Variants in KDM6A observed in about 807,000 individuals in gnomAD.
KDM6A encodes lysine demethylase 6A, also known as lysine-specific demethylase 6A.
In KDM6A, 11 loss-of-function variants were observed where a neutral mutation model predicts 117.6. The observed-to-expected ratio is 0.09, with a 90% confidence interval of 0.06 to 0.15. The LOEUF is 0.15. KDM6A is among the 10% of genes least tolerant of loss of function. The pLI is 1.00. For missense variants in KDM6A, 799 were observed against 1,077.3 expected, an observed-to-expected ratio of 0.74 and a Z score of 3.62; for synonymous variants, 384 against 396.1, an observed-to-expected ratio of 0.97 and a Z score of 0.36.
chrX:45,024,225 A>G (rs1260525938), intron 6 of KDM6A, among the ~76,000 whole-genome samples: 1 of 111,981 alleles, frequency 8.9e-6, no homozygotes, highest in Non-Finnish European at 1.9e-5. Context: ...TGTTTTCCAT[A>G]GTGGCTGTAC....
At chrX:44,985,540 G>A (rs2040170112) in intron 4 of KDM6A, among the ~76,000 whole-genome samples, 1 of 111,620 alleles carries the variant, frequency 9.0e-6, no homozygotes, top group Admixed American at 9.5e-5. Context: ...GATATTGGCT[G>A]TGGGTTTGTC....
chrX:44,929,079 C>T (rs1409784695), intron 2 of KDM6A, among the ~76,000 whole-genome samples: 13 of 110,143 alleles, frequency 1.2e-4, no homozygotes, highest in South Asian at 3.9e-4. Context: ...TACAGGTGCG[C>T]GCCACCACAC....
intron 2 of KDM6A, among the ~76,000 whole-genome samples, chrX:44,958,327 C>T (rs2038462442): frequency 9.2e-6 from 1 of 108,697 alleles, no homozygotes; most frequent in African/African-American, 3.4e-5. Context: ...GGACTACAGG[C>T]GCCCACCACT....
At chrX:45,092,713 C>T (rs2045943514) in intron 27 of KDM6A, among the ~76,000 whole-genome samples, 1 of 111,231 alleles carries the variant, frequency 9.0e-6, no homozygotes, top group Non-Finnish European at 1.9e-5. Flanking sequence ...AGATAAAATA[C>T]AATAATATTT....
chrX:45,065,428 G>A (rs1449100978), intron 17 of KDM6A, among the ~76,000 whole-genome samples: 4 of 112,000 alleles, frequency 3.6e-5, no homozygotes, highest in Non-Finnish European at 7.5e-5. Flanking sequence ...GAACAGAGGA[G>A]TGATGTGATC....
In KDM6A at chrX:45,051,755, C is replaced by T. The variant is rs746233805; in HGVS notation, c.701C>T (p.Thr234Ile). 3 of 1,191,725 alleles carry T rather than the reference C, an allele frequency of 2.5e-6. No individual in the cohort carries two copies. The highest frequency in any genetic ancestry group is 5.9e-5 in the East Asian group (2 of 33,711). The change falls in exon 9 of 30, where the codon ACA becomes ATA. Residue 234 changes from threonine to isoleucine, a missense_variant. Transcript: ENST00000611820. ...GAAGCTTATGAACAACTTTTGCAGACAGAGAATCTTTCTGCACAAGTAAAA... is the reference window on the plus strand; with the variant it reads ...GAAGCTTATGAACAACTTTTGCAGATAGAGAATCTTTCTGCACAAGTAAAA... ...AKEAYEQLLQTENLSAQVKAT... is the reference protein window; with the variant it reads ...AKEAYEQLLQIENLSAQVKAT...
At chrX:44,974,556 A>T in intron 3 of KDM6A, 110 bp from the exon 4 acceptor site, 2 of 556,779 alleles carry the variant, frequency 3.6e-6, no homozygotes, top group Non-Finnish European at 3.1e-6. Flanking sequence ...CTGAAATATC[A>T]CTATCTACTG....
intron 2 of KDM6A, among the ~76,000 whole-genome samples, chrX:44,903,392 T>C (rs2034472507): frequency 8.9e-6 from 1 of 112,266 alleles, no homozygotes; most frequent in Non-Finnish European, 1.9e-5. Context: ...TCATTGTCTT[T>C]TGACAGTTTG....
chrX:45,016,451 TTTTATGTATGTATGTA>T (rs1344713460), intron 5 of KDM6A, among the ~76,000 whole-genome samples: 3 of 90,409 alleles, frequency 3.3e-5, no homozygotes, highest in African/African-American at 1.2e-4. Context: ...ATTGATTTTA[TTTTATGTATGTATGTA>T]TGTATGTATG....
intron 2 of KDM6A, among the ~76,000 whole-genome samples, chrX:44,907,491 T>G (rs2146747636): frequency 9.5e-6 from 1 of 105,079 alleles, no homozygotes; most frequent in East Asian, 2.9e-4. Context: ...CTTTTTTTTT[T>G]TTTTTCTGAG....
rs1193311252 is a variant in KDM6A at position 45,096,711 on chromosome X, A to G, written c.4034+5847A>G. Among the ~76,000 whole-genome samples, 11 of 111,751 alleles carry G rather than the reference A, an allele frequency of 9.8e-5. No individual in the cohort carries two copies. In the East Asian group the frequency reaches 3.1e-3, roughly 32 times the overall value. ...ACTATTATTAAAAAGTTAAAAAATA[A>G]CAGGTGCTGGCAAGGATGTGGAGAA... On this transcript the variant is annotated intron_variant, in intron 27 of 29. Transcript: ENST00000611820.
chrX:44,873,472 C>T lies in KDM6A; in HGVS notation c.-80C>T. ...CGATAAAGTTGGTGTGCTGGTCCCGCGCGCAGATTGGGGGCGTCACTGCGG... is the reference window on the plus strand; with the variant it reads ...CGATAAAGTTGGTGTGCTGGTCCCGTGCGCAGATTGGGGGCGTCACTGCGG... On this transcript the variant is annotated 5_prime_UTR_variant, in exon 1 of 30. Coordinates refer to ENST00000611820, the MANE Select transcript of KDM6A (RefSeq NM_001291415.2). 6 of 1,173,951 alleles carry T rather than the reference C, an allele frequency of 5.1e-6. No homozygotes were observed. Among genetic ancestry groups the T allele is most frequent in the Non-Finnish European group, 6.9e-6 (6 of 864,797 alleles).
intron 2 of KDM6A, among the ~76,000 whole-genome samples, chrX:44,950,519 T>C (rs960645128): frequency 8.9e-6 from 1 of 111,931 alleles, no homozygotes; most frequent in Non-Finnish European, 1.9e-5. Context: ...CAAAAAAATT[T>C]GGAAAATAAC....
intron 8 of KDM6A, among the ~76,000 whole-genome samples, chrX:45,039,986 C>T (rs1444999337): frequency 2.1e-3 from 135 of 63,841 alleles, no homozygotes; most frequent in Non-Finnish European, 3.6e-3. Context: ...TCCACAAAAC[C>T]GCCATTGTCA....
At chrX:45,001,724 T>TA (rs943026481) in intron 4 of KDM6A, among the ~76,000 whole-genome samples, 7 of 111,756 alleles carry the variant, frequency 6.3e-5, no homozygotes, top group African/African-American at 2.3e-4. Flanking sequence ...AAATTTTTCT[T>TA]AACTTTAGTT....
intron 2 of KDM6A, among the ~76,000 whole-genome samples, chrX:44,942,713 A>G (rs2037404990): frequency 9.1e-6 from 1 of 109,753 alleles, no homozygotes; most frequent in African/African-American, 3.3e-5. Flanking sequence ...GATATTAACA[A>G]TGAGTTTTCC....
intron 27 of KDM6A, among the ~76,000 whole-genome samples, chrX:45,101,898 G>A (rs569893010): frequency 9.0e-6 from 1 of 111,353 alleles, no homozygotes; most frequent in African/African-American, 3.3e-5. Flanking sequence ...TATAACATAT[G>A]TAATCCTCAT....
Position 44,924,627 on chromosome X carries a change from T to C in KDM6A, c.226-36657T>C, listed in dbSNP as rs186892633. On this transcript the variant is annotated intron_variant, in intron 2 of 29. Coordinates refer to ENST00000611820, the MANE Select transcript of KDM6A (RefSeq NM_001291415.2). ...GTTTGAGCCATGTGGATATTTCCAG[T>C]GTTTGTTTTAGGTGGTCCTGGGTGT... 5.8e-4 allele frequency among the ~76,000 whole-genome samples: 62 copies of C among 107,096 alleles called. No homozygotes were observed. The East Asian group carries it at 0.017, about 30-fold the overall frequency. 93.0% of individuals were successfully genotyped at this position (107,096 alleles called of 115,157 possible). A position where few individuals can be genotyped will look rare whatever the true frequency, so the allele number is the denominator to read the frequency against.
At chrX:45,037,175 A>G (rs957753661) in intron 7 of KDM6A, among the ~76,000 whole-genome samples, 2 of 112,260 alleles carry the variant, frequency 1.8e-5, no homozygotes, top group African/African-American at 6.5e-5. Flanking sequence ...GTCTTTGTAA[A>G]ACTTATTTTT....
Sources: allele counts gnomAD v4.1 joint callset (sites outside exome capture counted in the v4.1 genomes callset), GRCh38; gene constraint gnomAD v4.1.1; transcripts MANE v1.5; gene names NCBI Gene and HGNC (gene_info 2026-07-23, HGNC 2026-07-21).